The following FAM174A variants were observed in gnomAD, a reference collection of about 807,000 sequenced individuals.
The protein encoded by FAM174A is family with sequence similarity 174 member A.
FAM174A carries 14 observed loss-of-function variants against 14.3 expected under a neutral mutation model. The observed-to-expected ratio is 0.98, with a 90% CI of 0.65 to 1.53. The LOEUF is 1.53. Ranked by LOEUF, FAM174A falls within the 40% of genes most tolerant of loss-of-function variation. The pLI is 0.00. For missense variants in FAM174A, 241 were observed against 249.6 expected (o/e 0.97, Z 0.23); for synonymous variants, 108 against 111.4 (o/e 0.97, Z 0.19).
chr5:100,546,620 A>G (rs935822948), intron 1 of FAM174A, among the ~76,000 whole-genome samples: 3 of 152,160 alleles, frequency 2.0e-5, no homozygotes, highest in African/African-American at 7.2e-5. Flanking sequence ...TAGTAAAACA[A>G]ATTTCTATTG....
Position 100,586,326 on chromosome 5 carries a change from CAATA to C in FAM174A, c.*147_*150del, listed in dbSNP as rs1580381657. 3.0e-5 allele frequency: 15 copies of C among 501,058 alleles called. No individual in the cohort carries two copies. The East Asian group carries it at 4.6e-4, about 15-fold the overall frequency. 31.0% of individuals were successfully genotyped at this position (501,058 alleles called of 1,614,324 possible). A position where few individuals can be genotyped will look rare whatever the true frequency, so the allele number is the denominator to read the frequency against. ...TTTAACAACCTTTAATTTGCTGTTG[CAATA>C]AATACCGTATCCTTTTATTATATCT... is the stretch of plus-strand genomic sequence containing the variant. On this transcript the variant is annotated 3_prime_UTR_variant, in exon 3 of 3. Coordinates refer to ENST00000312637, the MANE Select transcript of FAM174A (RefSeq NM_198507.3).
chr5:100,537,222 G>A (rs1016812055), intron 1 of FAM174A, among the ~76,000 whole-genome samples: 7 of 152,044 alleles, frequency 4.6e-5, no homozygotes, highest in Non-Finnish European at 8.8e-5. Context: ...ACATTGCAAA[G>A]GATTTAATGC....
intron 1 of FAM174A, among the ~76,000 whole-genome samples, chr5:100,544,793 C>A (rs1746132141): frequency 6.6e-6 from 1 of 152,156 alleles, no homozygotes; most frequent in African/African-American, 2.4e-5. Context: ...AAAATGCATT[C>A]CTCTGTAATT....
chr5:100,555,067 A>T (rs1195533257), intron 1 of FAM174A, among the ~76,000 whole-genome samples: 1 of 151,902 alleles, frequency 6.6e-6, no homozygotes, highest in Non-Finnish European at 1.5e-5. Context: ...TCCTAATGCT[A>T]TCCCTCCCCC....
At chr5:100,575,635 A>G (rs1004499555) in intron 2 of FAM174A, among the ~76,000 whole-genome samples, 1 of 152,202 alleles carries the variant, frequency 6.6e-6, no homozygotes, top group African/African-American at 2.4e-5. Flanking sequence ...CAAGGACTTC[A>G]TGTCGAAAAC....
In FAM174A at chr5:100,539,370, T is replaced by G. The variant is rs138275490; in HGVS notation, c.434+3406T>G. On this transcript the variant is annotated intron_variant, in intron 1 of 2. Coordinates refer to ENST00000312637, the MANE Select transcript of FAM174A (RefSeq NM_198507.3). ...CTATGAAAAGGCATTAAAATGCAGA[T>G]CCTATTAATACATATTATATAGGAA... Among the ~76,000 whole-genome samples, 912 of 152,228 alleles carry G rather than the reference T, an allele frequency of 6.0e-3. 9 individuals carry two copies. Among genetic ancestry groups the G allele is most frequent in the African/African-American group, 0.021 (867 of 41,552 alleles).
chr5:100,576,142 G>A (rs939039954), intron 2 of FAM174A, among the ~76,000 whole-genome samples: 2 of 152,020 alleles, frequency 1.3e-5, no homozygotes, highest in African/African-American at 2.4e-5. Flanking sequence ...AACAATGATT[G>A]TTATTGGTCA....
In FAM174A at chr5:100,571,334, G is replaced by C. The variant is rs937325131; in HGVS notation, c.569+9146G>C. On this transcript the variant is annotated intron_variant, in intron 2 of 2. Transcript: ENST00000312637. The stretch of plus-strand genomic sequence containing the variant: ...TTTGATAGAACAAATGAGTGAAACT[G>C]TTAAGTGAAGGGACTTTTTTATTGG... Among the ~76,000 whole-genome samples, 14 of 151,714 alleles carry C rather than the reference G, an allele frequency of 9.2e-5. No homozygotes were observed. In the East Asian group the frequency reaches 2.3e-3, roughly 25 times the overall value.
chr5:100,583,733 GT>G (rs2112408112), intron 2 of FAM174A, among the ~76,000 whole-genome samples: 1 of 152,060 alleles, frequency 6.6e-6, no homozygotes, highest in East Asian at 1.9e-4. Flanking sequence ...TCTTGAAACA[GT>G]TTCCTCCAGC....
chr5:100,557,192 T>G (rs1251056317), intron 1 of FAM174A, among the ~76,000 whole-genome samples: 1 of 151,438 alleles, frequency 6.6e-6, no homozygotes, highest in African/African-American at 2.4e-5. Flanking sequence ...CTGCATCTAT[T>G]GAGATAATCA....
chr5:100,544,685 G>T (rs1746131028), intron 1 of FAM174A, among the ~76,000 whole-genome samples: 1 of 151,956 alleles, frequency 6.6e-6, no homozygotes, highest in Non-Finnish European at 1.5e-5. Flanking sequence ...TTTTTAACAG[G>T]TGTATATTTG....
At chr5:100,565,168 A>C (rs73164270) in intron 2 of FAM174A, among the ~76,000 whole-genome samples, 2,858 of 151,986 alleles carry the variant, frequency 0.019, 77 homozygotes, top group African/African-American at 0.063. Context: ...CACCATGATT[A>C]AGTGGGATTT....
intron 2 of FAM174A, among the ~76,000 whole-genome samples, chr5:100,571,861 C>T (rs1746788182): frequency 6.6e-6 from 1 of 151,764 alleles, no homozygotes; most frequent in Admixed American, 6.6e-5. Context: ...ACCATTTTTA[C>T]AGCAAAGTCT....
chr5:100,582,275 T>A (rs550248451), intron 2 of FAM174A, among the ~76,000 whole-genome samples: 1 of 152,278 alleles, frequency 6.6e-6, no homozygotes, highest in African/African-American at 2.4e-5. Context: ...AGGATTAAAT[T>A]TACTTTCAAA....
At chr5:100,542,169 A>C (rs1246336612) in intron 1 of FAM174A, among the ~76,000 whole-genome samples, 1 of 152,222 alleles carries the variant, frequency 6.6e-6, no homozygotes, top group Admixed American at 6.5e-5. Context: ...TGGGTGATCC[A>C]TCCAAAATTC....
chr5:100,553,276 T>G (rs1746301355), intron 1 of FAM174A, among the ~76,000 whole-genome samples: 1 of 152,090 alleles, frequency 6.6e-6, no homozygotes, highest in South Asian at 2.1e-4. Flanking sequence ...TTGGTGTGTT[T>G]TATTGTGTAT....
Position 100,586,341 on chromosome 5 carries a change from C to T in FAM174A, c.*157C>T, listed in dbSNP as rs1300045586. ...TTTGCTGTTGCAATAAATACCGTAT[C>T]CTTTTATTATATCTTTATATGTATA... On this transcript the variant is annotated 3_prime_UTR_variant, in exon 3 of 3. Coordinates refer to ENST00000312637, the MANE Select transcript of FAM174A (RefSeq NM_198507.3). 2.2e-6 allele frequency: 1 copy of T among 450,556 alleles called. No homozygotes were observed. The highest frequency in any genetic ancestry group is 2.0e-5 in the African/African-American group (1 of 48,960). 27.9% of individuals were successfully genotyped at this position (450,556 alleles called of 1,614,324 possible).
intron 2 of FAM174A, among the ~76,000 whole-genome samples, chr5:100,563,872 G>T (rs757832419): frequency 1.3e-5 from 2 of 151,786 alleles, no homozygotes; most frequent in South Asian, 4.1e-4. Flanking sequence ...GAAACTAAAC[G>T]ATATAGTTTG....
intron 1 of FAM174A, among the ~76,000 whole-genome samples, chr5:100,553,459 A>G (rs1746304280): frequency 6.6e-6 from 1 of 152,072 alleles, no homozygotes; most frequent in African/African-American, 2.4e-5. Flanking sequence ...ATGTAGCTGT[A>G]TGACCACATA....
Sources: gnomAD v4.1 joint callset for allele counts (sites outside exome capture counted in the v4.1 genomes callset) on GRCh38, gnomAD v4.1.1 for gene constraint, MANE v1.5 for transcripts, NCBI Gene and HGNC (gene_info 2026-07-23, HGNC 2026-07-21) for gene names.